The following DHX34 variants were observed in gnomAD, a reference collection of about 807,000 sequenced individuals.
The protein encoded by DHX34 is probable ATP-dependent RNA helicase DHX34.
Under a neutral mutation model 111.1 loss-of-function variants are expected in DHX34, and 96 were observed. The ratio of observed to expected loss-of-function variants is 0.86; its 90% CI spans 0.73 to 1.02. The LOEUF (loss-of-function observed/expected upper bound fraction) is 1.02. Among genes scored for constraint, DHX34 ranks in the 50% least tolerant of loss-of-function variants. DHX34 has a pLI of 0.00. For missense variants in DHX34, 1,560 were observed against 1,579.9 expected, an observed-to-expected ratio of 0.99 and a Z score of 0.21; for synonymous variants, 688 against 670.4, an observed-to-expected ratio of 1.03 and a Z score of -0.41.
rs963663157 is a variant in DHX34, at chr19:47,375,596, C to G, written c.2195C>G (p.Ala732Gly). The change falls in exon 10 of 17, where the codon GCG becomes GGG. Residue 732 changes from alanine to glycine, a missense_variant. Physicochemically the swap from Ala to Gly is moderately conservative, Grantham distance 60. Transcript: ENST00000328771. ...CTGAAACGCCAGCACGAGGAGGGCG[C>G]GGGGCGCAGGCGCAAGGTGCTGCGG... Reference protein sequence around the residue: ...HQLKRQHEEGAGRRRKVLRLQ... With the variant: ...HQLKRQHEEGGGRRRKVLRLQ... The G allele has an allele frequency of 6.5e-7, 1 of 1,546,788 alleles. No homozygotes were observed. Among genetic ancestry groups the G allele is most frequent in the East Asian group, 2.4e-5 (1 of 41,368 alleles).
intron 3 of DHX34, among the ~76,000 whole-genome samples, chr19:47,355,632 A>G (rs1324437335): frequency 6.6e-6 from 1 of 152,052 alleles, no homozygotes; most frequent in African/African-American, 2.4e-5. Flanking sequence ...GTGGATCACG[A>G]GGTCAGGAGA....
rs972393251 is a variant in DHX34 at position 47,358,025 on chromosome 19, G to A, written c.1177G>A (p.Ala393Thr). The change falls in exon 4 of 17, where the codon GCC becomes ACC. Residue 393 changes from alanine (A) to threonine (T), a missense_variant. Coordinates refer to ENST00000328771, the MANE Select transcript of DHX34 (RefSeq NM_014681.6). ...CCTCAGCGGCATGGCGGAGATCAGC[G>A]CCGTGCTGGAGGCTGCCCAGACCTA... ...VFLSGMAEIS[A>T]VLEAAQTYAS... 22 of 1,613,548 alleles carry A rather than the reference G, an allele frequency of 1.4e-5. No homozygotes were observed. Among genetic ancestry groups the A allele is most frequent in the Non-Finnish European group, 1.5e-5 (18 of 1,180,042 alleles).
intron 12 of DHX34, 179 bp downstream of exon 12, chr19:47,376,739 CT>C: frequency 7.0e-7 from 1 of 1,432,578 alleles, no homozygotes; most frequent in South Asian, 1.4e-5. Flanking sequence ...TGACTCACCC[CT>C]GCTGGGCCTC....
rs1414582185 is a variant in DHX34, at chr19:47,377,171, T to A, written c.2671T>A (p.Tyr891Asn). ...GTCCCTGCTGGAGACCAACAAGCCG[T>A]ACCTGGTGAACTGCGTCCGCATCCC... The part of the protein sequence containing the change: ...FVSLLETNKP[Y>N]LVNCVRIPAL... The change falls in exon 13 of 17, where the codon TAC becomes AAC. Residue 891 changes from tyrosine (Y) to asparagine (N), a missense_variant. Coordinates refer to ENST00000328771, the MANE Select transcript of DHX34 (RefSeq NM_014681.6). The A allele has an allele frequency of 6.2e-7, 1 of 1,613,954 alleles. No homozygotes were observed. The highest frequency in any genetic ancestry group is 8.5e-7 in the Non-Finnish European group (1 of 1,179,972).
intron 5 of DHX34, among the ~76,000 whole-genome samples, chr19:47,360,478 G>A (rs1969595212): frequency 6.6e-6 from 1 of 152,094 alleles, no homozygotes; most frequent in East Asian, 1.9e-4. Flanking sequence ...CTTCTGCCCT[G>A]GGGCCTTTGT....
chr19:47,381,069 C>A, intron 15 of DHX34, 77 bp downstream of exon 15: 1 of 1,549,752 alleles, frequency 6.5e-7, no homozygotes. Flanking sequence ...AGTCCAGGGA[C>A]ATAGTTCCCA....
intron 12 of DHX34, chr19:47,376,830 C>T: frequency 1.3e-6 from 2 of 1,529,914 alleles, no homozygotes; most frequent in South Asian, 1.2e-5. Flanking sequence ...GGGGCCTGTC[C>T]TATGGACTCT....
At position 47,375,714 on chromosome 19, in the gene DHX34, C is replaced by T. The variant is rs373513196; in HGVS notation, c.2307+6C>T. On this transcript the variant is annotated splice_donor_region_variant and intron_variant, in intron 10 of 16. Transcript: ENST00000328771. ...GTGATGGCGTGGACATCCAGGTGGG[C>T]GCCATGGGCTGTGGGGTGTGGGGGT... 287 of 1,561,150 alleles carry T rather than the reference C, an allele frequency of 1.8e-4. No individual in the cohort carries two copies. Among genetic ancestry groups the T allele is most frequent in the East Asian group, 1.3e-3 (55 of 42,588 alleles).
Position 47,375,891 on chromosome 19 carries a change from C to T in DHX34, c.2308-33C>T, listed in dbSNP as rs371418906. On this transcript the variant is annotated intron_variant, in intron 10 of 16. Coordinates refer to ENST00000328771, the MANE Select transcript of DHX34 (RefSeq NM_014681.6). ...GATCATGGTAGGAGCCCCTCAGGTC[C>T]CCTAAGACTCTGCCTCCCCGTGCTC... 290 of 1,578,766 alleles carry T rather than the reference C, an allele frequency of 1.8e-4. 2 individuals are homozygous for T. In the African/African-American group the frequency reaches 3.7e-3, roughly 20 times the overall value.
At position 47,362,584 on chromosome 19, in the gene DHX34, C is replaced by T. The variant is rs528361096; in HGVS notation, c.1484C>T (p.Thr495Met). 81 of 1,613,560 alleles carry T rather than the reference C, an allele frequency of 5.0e-5. No individual in the cohort carries two copies. The highest frequency in any genetic ancestry group is 2.3e-4 in the African/African-American group (17 of 75,022). The change falls in exon 6 of 17, where the codon ACG becomes ATG. Residue 495 changes from threonine (T) to methionine (M), a missense_variant. Physicochemically the swap from Thr to Met is moderately conservative, Grantham distance 81. Transcript: ENST00000328771. ...CAGCGGAAGGGCCGGGCGGGCCGCACGGGCCCCGGAGTCTGCTTCCGCCTC... is the reference window on the plus strand; with the variant it reads ...CAGCGGAAGGGCCGGGCGGGCCGCATGGGCCCCGGAGTCTGCTTCCGCCTC... ...AEQRKGRAGR[T>M]GPGVCFRLYA...
At chr19:47,372,534 C>A in intron 7 of DHX34, 196 bp from the exon 8 acceptor site, 1 of 909,550 alleles carries the variant, frequency 1.1e-6, no homozygotes, top group Non-Finnish European at 1.3e-6. Flanking sequence ...GAAACTGAGG[C>A]CCTTGCCCAT....
chr19:47,375,858 G>A, intron 10 of DHX34, 66 bp from the exon 11 acceptor site: 1 of 1,543,356 alleles, frequency 6.5e-7, no homozygotes, highest in Non-Finnish European at 8.7e-7. Context: ...AGAGCCTGGG[G>A]GTCTGCGGAT....
At chr19:47,373,405 A>G in intron 8 of DHX34, 194 bp from the exon 9 acceptor site, 1 of 907,440 alleles carries the variant, frequency 1.1e-6, no homozygotes, top group South Asian at 5.1e-5. Flanking sequence ...GGGACAACCC[A>G]GCGGGGCATC....
At chr19:47,376,304 G>T in intron 11 of DHX34, 139 bp from the exon 12 acceptor site, 3 of 1,512,170 alleles carry the variant, frequency 2.0e-6, no homozygotes, top group Non-Finnish European at 2.6e-6. Flanking sequence ...GAGCCCACAG[G>T]GGGCATCTGC....
At chr19:47,352,007 C>T (rs1241757512) in intron 1 of DHX34, among the ~76,000 whole-genome samples, 1 of 152,208 alleles carries the variant, frequency 6.6e-6, no homozygotes, top group Non-Finnish European at 1.5e-5. Context: ...TCTCACTGGA[C>T]CCCGGGTGAA....
intron 13 of DHX34, among the ~76,000 whole-genome samples, chr19:47,379,057 A>G (rs1040405732): frequency 2.0e-5 from 3 of 151,910 alleles, no homozygotes; most frequent in Admixed American, 2.0e-4. Context: ...TGAACCTGGG[A>G]GGTGGAGGTT....
At chr19:47,365,199 G>A (rs1969753811) in intron 6 of DHX34, among the ~76,000 whole-genome samples, 2 of 150,840 alleles carry the variant, frequency 1.3e-5, no homozygotes, top group South Asian at 4.2e-4. Context: ...CCTGCCCCCT[G>A]CCTCTTTAAA....
In DHX34 at chr19:47,370,059, G is replaced by A. The variant is rs555414601; in HGVS notation, c.1769-2671G>A. On this transcript the variant is annotated intron_variant, in intron 7 of 16. Coordinates refer to ENST00000328771, the MANE Select transcript of DHX34 (RefSeq NM_014681.6). ...TGACCCTGTCGTTCTTGTGTGCACC[G>A]TCAGTGTCTCAGGCACTCACCTGAC... is the stretch of plus-strand genomic sequence containing the variant. Among the ~76,000 whole-genome samples the A allele has an allele frequency of 4.6e-5, 7 of 152,288 alleles. No homozygotes were observed. In the East Asian group the frequency reaches 5.8e-4, roughly 13 times the overall value.
Position 47,376,825 on chromosome 19 carries a change from C to T in DHX34, c.2599+265C>T, listed in dbSNP as rs945905451. 5.2e-6 allele frequency: 8 copies of T among 1,527,682 alleles called. No individual in the cohort carries two copies. In the African/African-American group the frequency reaches 1.1e-4, roughly 21 times the overall value. The allele number at this position is 1,527,682 out of a possible 1,614,324, so 94.6% of individuals were successfully genotyped here. ...AGAGAGTGAGCACCGGTCAGGGGGC[C>T]TGTCCTATGGACTCTGTGAGCTCCC... On this transcript the variant is annotated intron_variant, in intron 12 of 16. Coordinates refer to ENST00000328771, the MANE Select transcript of DHX34 (RefSeq NM_014681.6).
Sources: gnomAD v4.1 joint callset for allele counts (sites outside exome capture counted in the v4.1 genomes callset) on GRCh38, gnomAD v4.1.1 for gene constraint, MANE v1.5 for transcripts, NCBI Gene and HGNC (gene_info 2026-07-23, HGNC 2026-07-21) for gene names.